HMCN1: variants seen among roughly 807,000 people sequenced by gnomAD.
HMCN1 encodes hemicentin-1.
HMCN1 carries 321 observed loss-of-function variants against 625.9 expected under a neutral mutation model. The observed-to-expected ratio is 0.51, with a 90% CI of 0.47 to 0.56. The LOEUF (loss-of-function observed/expected upper bound fraction) is 0.56. Ranked by LOEUF, HMCN1 falls within the 20% of genes least tolerant of loss-of-function variation. The probability of loss-of-function intolerance (pLI) is 0.00; values close to 1 mark genes in which losing one functional copy is unlikely to be tolerated. For missense variants in HMCN1, 6,588 were observed against 6,887.3 expected (o/e 0.96, Z 1.54); for synonymous variants, 2,425 against 2,417.6 (o/e 1.00, Z -0.09).
intron 11 of HMCN1, among the ~76,000 whole-genome samples, chr1:185,955,971 G>A (rs990990171): frequency 4.4e-4 from 67 of 152,150 alleles, no homozygotes; most frequent in African/African-American, 1.6e-3. Flanking sequence ...ATAATGTGAA[G>A]CATCTCATAA....
chr1:186,128,129 G>A lies in HMCN1; in HGVS notation c.12742G>A (p.Asp4248Asn), dbSNP rs1004254068. The A allele has an allele frequency of 6.2e-7, 1 of 1,613,530 alleles. No homozygotes were observed. The highest frequency in any genetic ancestry group is 1.3e-5 in the African/African-American group (1 of 74,872). Residue 4248 changes from aspartate to asparagine, a missense_variant, in exon 83 of 107, where the codon GAT (aspartate) becomes AAT (asparagine). This residue lies in a region of HMCN1 where 1,954 missense variants were observed against 2,013.1 expected (regional missense o/e 0.97). Transcript: ENST00000271588. ...TGTTGCTAACAATGCTGCAGGTGAA[G>A]ATACACACACTGTCAGCCTGACTGT... ...TCVANNAAGE[D>N]THTVSLTVHV...
Position 186,007,386 on chromosome 1 carries a change from A to T in HMCN1, c.4630+104A>T. ...CTTATTTCATACTGAATAATTTGGA[A>T]TACTACATACTTCAAGAGAAGAAGG... On this transcript the variant is annotated intron_variant, in intron 30 of 106. Coordinates refer to ENST00000271588, the MANE Select transcript of HMCN1 (RefSeq NM_031935.3). 7 of 1,010,490 alleles carry T rather than the reference A, an allele frequency of 6.9e-6. No homozygotes were observed. The South Asian group carries it at 9.5e-5, about 14-fold the overall frequency. 62.6% of individuals were successfully genotyped at this position (1,010,490 alleles called of 1,614,324 possible). A position where few individuals can be genotyped will look rare whatever the true frequency, so the allele number is the denominator to read the frequency against.
rs893826056 is a variant in HMCN1, at chr1:185,835,739, A to G, written c.269-10287A>G. On this transcript the variant is annotated intron_variant, in intron 1 of 106. Coordinates refer to ENST00000271588, the MANE Select transcript of HMCN1 (RefSeq NM_031935.3). Reference sequence around the variant, plus strand: ...TTATATTGGATATTTCATATTTTAAATATTTCTTCTATGAAGAGAAAAAAG... The same window carrying G: ...TTATATTGGATATTTCATATTTTAAGTATTTCTTCTATGAAGAGAAAAAAG... Among the ~76,000 whole-genome samples, 33 of 150,768 alleles carry G rather than the reference A, an allele frequency of 2.2e-4. 1 individual carries two copies. Among genetic ancestry groups the G allele is most frequent in the Admixed American group, 2.0e-3 (31 of 15,256 alleles).
At chr1:186,072,887 A>G (rs74136010) in intron 52 of HMCN1, among the ~76,000 whole-genome samples, 8 of 152,212 alleles carry the variant, frequency 5.3e-5, no homozygotes, top group African/African-American at 1.9e-4. Flanking sequence ...GAACACAAGA[A>G]TGACATGACA....
In HMCN1 at chr1:185,909,395, A is replaced by G; in HGVS notation, c.680A>G (p.Asp227Gly). The change falls in exon 5 of 107, where the codon GAT becomes GGT. Residue 227 changes from aspartate to glycine, a missense_variant. Asp to Gly is a moderately conservative substitution (Grantham distance 94). This residue lies in a region of HMCN1 where 4,628 missense variants were observed against 4,853.1 expected (regional missense o/e 0.95). Transcript: ENST00000271588. ...QASKVHLLST[D>G]HLEQAVNTWR... ...TCCAAAGTTCACCTTTTATCCACAG[A>G]TCATTTGGAACAGGCTGTAAATACT... The G allele has an allele frequency of 1.2e-6, 2 of 1,613,240 alleles. No homozygotes were observed. Among genetic ancestry groups the G allele is most frequent in the Non-Finnish European group, 1.7e-6 (2 of 1,179,314 alleles).
chr1:185,857,358 G>T (rs552571344), intron 2 of HMCN1, among the ~76,000 whole-genome samples: 2 of 151,948 alleles, frequency 1.3e-5, no homozygotes, highest in Admixed American at 6.6e-5. Context: ...TATATTTCAG[G>T]GTTCAAATAA....
At chr1:186,066,124 AG>A (rs1658095485) in intron 49 of HMCN1, among the ~76,000 whole-genome samples, 1 of 152,176 alleles carries the variant, frequency 6.6e-6, no homozygotes, top group Non-Finnish European at 1.5e-5. Flanking sequence ...CTAATTGAGT[AG>A]GGGAGCTATA....
intron 1 of HMCN1, among the ~76,000 whole-genome samples, chr1:185,785,669 A>G (rs1476806378): frequency 6.6e-6 from 1 of 152,200 alleles, no homozygotes; most frequent in Non-Finnish European, 1.5e-5. Flanking sequence ...ATCTTGTCCC[A>G]GAACTCCAGC....
intron 2 of HMCN1, among the ~76,000 whole-genome samples, chr1:185,857,919 G>A (rs1662573860): frequency 6.6e-6 from 1 of 152,166 alleles, no homozygotes; most frequent in Non-Finnish European, 1.5e-5. Context: ...TAGGTATCTA[G>A]AAGAATGGAA....
intron 2 of HMCN1, among the ~76,000 whole-genome samples, chr1:185,854,407 C>T (rs75535883): frequency 0.012 from 1,893 of 152,236 alleles, 53 homozygotes; most frequent in African/African-American, 0.044. Flanking sequence ...CCTGTCAGTA[C>T]CCCAGACCTG....
chr1:185,959,985 TCTA>T (rs1649893855), intron 11 of HMCN1, among the ~76,000 whole-genome samples: 1 of 152,146 alleles, frequency 6.6e-6, no homozygotes, highest in South Asian at 2.1e-4. Context: ...CTTAGTGAAA[TCTA>T]CTATATCATT....
chr1:186,173,373 C>A (rs932694808), intron 102 of HMCN1, among the ~76,000 whole-genome samples: 1 of 152,034 alleles, frequency 6.6e-6, no homozygotes, highest in Non-Finnish European at 1.5e-5. Context: ...TCAGCTCTTA[C>A]ACTATAGATA....
rs570419608 is a variant in HMCN1, at chr1:186,116,611, A to G, written c.11562-383A>G. ...TGAAATTTAAAGATAATTTATGCAA[A>G]GCATTTAAGATGGTGCCTGGAGTGT... On this transcript the variant is annotated intron_variant, in intron 75 of 106. Coordinates refer to ENST00000271588, the MANE Select transcript of HMCN1 (RefSeq NM_031935.3). Among the ~76,000 whole-genome samples, 6 of 152,266 alleles carry G rather than the reference A, an allele frequency of 3.9e-5. No homozygotes were observed. In the East Asian group the frequency reaches 1.2e-3, roughly 29 times the overall value.
At chr1:185,880,275 A>G (rs1428165257) in intron 4 of HMCN1, among the ~76,000 whole-genome samples, 3 of 152,210 alleles carry the variant, frequency 2.0e-5, no homozygotes, top group Non-Finnish European at 2.9e-5. Flanking sequence ...GCTCAGATTG[A>G]TGGAAAAAAA....
chr1:185,971,440 G>T (rs762092310), intron 15 of HMCN1, among the ~76,000 whole-genome samples: 6 of 152,104 alleles, frequency 3.9e-5, no homozygotes, highest in Non-Finnish European at 8.8e-5. Flanking sequence ...ACATAAAACA[G>T]AGTTCAGTTT....
intron 4 of HMCN1, among the ~76,000 whole-genome samples, chr1:185,877,377 A>G (rs1170869749): frequency 1.0e-5 from 1 of 95,316 alleles, no homozygotes; most frequent in East Asian, 3.2e-4. Context: ...GCCTTGTTGT[A>G]TAATTTGAAG....
At chr1:185,919,165 T>C (rs1267009146) in intron 6 of HMCN1, among the ~76,000 whole-genome samples, 1 of 151,948 alleles carries the variant, frequency 6.6e-6, no homozygotes, top group Non-Finnish European at 1.5e-5. Context: ...GAAAGAAATA[T>C]GGCTGGACCT....
Position 185,987,425 on chromosome 1 carries a change from T to G in HMCN1, c.2936-7T>G, listed in dbSNP as rs1652074377. The G allele has an allele frequency of 1.3e-6, 2 of 1,588,836 alleles. No homozygotes were observed. Among genetic ancestry groups the G allele is most frequent in the South Asian group, 2.2e-5 (2 of 90,540 alleles). On this transcript the variant is annotated splice_polypyrimidine_tract_variant and splice_region_variant and intron_variant, in intron 19 of 106. Coordinates refer to ENST00000271588, the MANE Select transcript of HMCN1 (RefSeq NM_031935.3). ...GCTCAGATTCCAAATCCTACTTACC[T>G]TTTCAGTTCTGCCAACCATTCAGCA...
intron 1 of HMCN1, among the ~76,000 whole-genome samples, chr1:185,792,296 G>A (rs920294786): frequency 6.6e-6 from 1 of 152,106 alleles, no homozygotes; most frequent in African/African-American, 2.4e-5. Context: ...CAGACTTATG[G>A]TAAGTGAAAT....
Sources: allele counts gnomAD v4.1 joint callset (sites outside exome capture counted in the v4.1 genomes callset), GRCh38; gene constraint gnomAD v4.1.1; regional missense constraint gnomAD v4.1.1; transcripts MANE v1.5; gene names NCBI Gene and HGNC (gene_info 2026-07-23, HGNC 2026-07-21).